INSYN2B: variants seen among roughly 807,000 people sequenced by gnomAD.
INSYN2B encodes the protein inhibitory synaptic factor family member 2B.
INSYN2B carries 16 observed loss-of-function variants against 41.2 expected under a neutral mutation model. The ratio of observed to expected loss-of-function variants is 0.39; its 90% CI spans 0.26 to 0.59. The LOEUF (loss-of-function observed/expected upper bound fraction) is 0.59. Among genes scored for constraint, INSYN2B ranks in the 20% least tolerant of loss-of-function variants. The pLI, the probability that INSYN2B is intolerant of heterozygous loss-of-function variation, is 0.57. For synonymous variants in INSYN2B, 245 were observed against 244.4 expected (o/e 1.00, Z -0.02); for missense variants, 608 against 646.4 (o/e 0.94, Z 0.64).
At chr5:169,961,933 C>T (rs188842786) in intron 1 of INSYN2B, among the ~76,000 whole-genome samples, 2,250 of 129,712 alleles carry the variant, frequency 0.017, 54 homozygotes, top group African/African-American at 0.062. Context: ...GAGCCGAGAT[C>T]GTGCCACTGC....
At chr5:169,865,363 T>C (rs973190670) in intron 3 of INSYN2B, among the ~76,000 whole-genome samples, 7 of 152,070 alleles carry the variant, frequency 4.6e-5, no homozygotes, top group African/African-American at 7.2e-5. Flanking sequence ...AGGGAGTGGG[T>C]GCTGATGCTG....
At chr5:169,885,264 C>T (rs550003579) in intron 1 of INSYN2B, among the ~76,000 whole-genome samples, 36 of 152,270 alleles carry the variant, frequency 2.4e-4, no homozygotes, top group South Asian at 4.1e-4. Flanking sequence ...CTGTAGACTC[C>T]GGAGGGCAGA....
intron 1 of INSYN2B, among the ~76,000 whole-genome samples, chr5:169,928,644 G>C (rs1441165933): frequency 6.6e-6 from 1 of 152,180 alleles, no homozygotes; most frequent in Non-Finnish European, 1.5e-5. Flanking sequence ...ACTTTTAAAA[G>C]AGGCAGAGAG....
At chr5:169,875,337 G>A (rs755542654) in intron 3 of INSYN2B, 84 of 456,530 alleles carry the variant, frequency 1.8e-4, no homozygotes, top group South Asian at 1.3e-3. Flanking sequence ...AGGTTCCGAT[G>A]CAGATGGTCC....
chr5:169,907,891 C>G (rs1774376889), intron 1 of INSYN2B, among the ~76,000 whole-genome samples: 1 of 152,232 alleles, frequency 6.6e-6, no homozygotes, highest in Admixed American at 6.5e-5. Context: ...CTACAACACA[C>G]AGGAACCGTT....
At chr5:169,875,068 A>G (rs1772234180) in intron 3 of INSYN2B, among the ~76,000 whole-genome samples, 1 of 152,208 alleles carries the variant, frequency 6.6e-6, no homozygotes, top group African/African-American at 2.4e-5. Context: ...AGATGTAGTA[A>G]GAACTAAAGC....
At chr5:169,901,795 T>G (rs1773940153) in intron 1 of INSYN2B, among the ~76,000 whole-genome samples, 1 of 152,218 alleles carries the variant, frequency 6.6e-6, no homozygotes. Context: ...CAGAGCCAAA[T>G]GGAGGGGTTT....
At chr5:169,908,907 A>C (rs1284159512) in intron 1 of INSYN2B, among the ~76,000 whole-genome samples, 1 of 152,084 alleles carries the variant, frequency 6.6e-6, no homozygotes, top group Non-Finnish European at 1.5e-5. Flanking sequence ...CTGAGGCATT[A>C]GCCCCATTTT....
intron 1 of INSYN2B, among the ~76,000 whole-genome samples, chr5:169,921,959 G>A (rs1013836453): frequency 6.6e-6 from 1 of 152,198 alleles, no homozygotes; most frequent in African/African-American, 2.4e-5. Context: ...GGTTGGAGGA[G>A]AGAATTACTT....
intron 3 of INSYN2B, among the ~76,000 whole-genome samples, chr5:169,870,703 T>A (rs1771910964): frequency 6.6e-6 from 1 of 152,150 alleles, no homozygotes; most frequent in African/African-American, 2.4e-5. Context: ...GCTGCACCCA[T>A]TAACTCATCA....
intron 1 of INSYN2B, among the ~76,000 whole-genome samples, chr5:169,963,251 G>C (rs1410803418): frequency 6.6e-6 from 1 of 152,142 alleles, no homozygotes; most frequent in East Asian, 1.9e-4. Flanking sequence ...TCCATGAACT[G>C]ATGAGATGGA....
At chr5:169,896,716 G>A (rs1325420121) in intron 1 of INSYN2B, among the ~76,000 whole-genome samples, 1 of 152,136 alleles carries the variant, frequency 6.6e-6, no homozygotes, top group Non-Finnish European at 1.5e-5. Flanking sequence ...CTCACTAGTC[G>A]CCACTCAAAC....
At chr5:169,976,819 G>T (rs1777734245) in intron 1 of INSYN2B, among the ~76,000 whole-genome samples, 1 of 152,208 alleles carries the variant, frequency 6.6e-6, no homozygotes, top group African/African-American at 2.4e-5. Flanking sequence ...GACTCTGCCG[G>T]AGTTGCCATG....
chr5:169,975,211 C>T (rs1429545539), intron 1 of INSYN2B, among the ~76,000 whole-genome samples: 1 of 152,218 alleles, frequency 6.6e-6, no homozygotes, highest in African/African-American at 2.4e-5. Flanking sequence ...ACATTTAAAA[C>T]ATAATTTGTG....
At chr5:169,898,100 C>T (rs1773714599) in intron 1 of INSYN2B, among the ~76,000 whole-genome samples, 1 of 152,182 alleles carries the variant, frequency 6.6e-6, no homozygotes, top group Admixed American at 6.5e-5. Flanking sequence ...CTGCCACCAA[C>T]CTTCTTGTGT....
intron 1 of INSYN2B, among the ~76,000 whole-genome samples, chr5:169,894,119 A>T (rs1404201378): frequency 6.6e-6 from 1 of 152,200 alleles, no homozygotes; most frequent in Non-Finnish European, 1.5e-5. Context: ...CAAAGTTTTC[A>T]AAGCATTTTT....
chr5:169,953,351 G>A (rs1307080818), intron 1 of INSYN2B, among the ~76,000 whole-genome samples: 3 of 148,456 alleles, frequency 2.0e-5, no homozygotes, highest in Non-Finnish European at 4.5e-5. Flanking sequence ...AAAAAAAAGA[G>A]AGAGAGAGAG....
chr5:169,915,890 G>T (rs1314387795), intron 1 of INSYN2B, among the ~76,000 whole-genome samples: 1 of 152,058 alleles, frequency 6.6e-6, no homozygotes, highest in Non-Finnish European at 1.5e-5. Flanking sequence ...TGATTAAATG[G>T]TATACATTGG....
At chr5:169,880,567 C>CGAAG (rs1772582712) in intron 3 of INSYN2B, among the ~76,000 whole-genome samples, 1 of 152,188 alleles carries the variant, frequency 6.6e-6, no homozygotes, top group Non-Finnish European at 1.5e-5. Context: ...AAGTGGGCTT[C>CGAAG]CAGCTAAGGG....
Sources: gnomAD v4.1 joint callset for allele counts (sites outside exome capture counted in the v4.1 genomes callset) on GRCh38, gnomAD v4.1.1 for gene constraint, MANE v1.5 for transcripts, NCBI Gene and HGNC (gene_info 2026-07-23, HGNC 2026-07-21) for gene names.